The following GRIN2A variants were observed in gnomAD, a reference collection of about 807,000 sequenced individuals.
The protein encoded by GRIN2A is glutamate ionotropic receptor NMDA type subunit 2A.
GRIN2A carries 22 observed loss-of-function variants against 113.4 expected under a neutral mutation model. The observed-to-expected ratio is 0.19, with a 90% confidence interval of 0.14 to 0.28. GRIN2A has a LOEUF of 0.28. GRIN2A is among the 10% of genes least tolerant of loss of function. The probability of loss-of-function intolerance (pLI) is 1.00; values close to 1 mark genes in which losing one functional copy is unlikely to be tolerated. For synonymous variants in GRIN2A, 827 were observed against 738.4 expected (o/e 1.12, Z -1.94); for missense variants, 1,502 against 1,887.0 (o/e 0.80, Z 3.78).
At chr16:9,946,106 C>T (rs146093744) in intron 2 of GRIN2A, among the ~76,000 whole-genome samples, 5 of 152,274 alleles carry the variant, frequency 3.3e-5, no homozygotes, top group Middle Eastern at 3.4e-3. Flanking sequence ...TGAACTCAGC[C>T]CTGCTTTCTA....
At chr16:9,979,597 T>C (rs914156397) in intron 2 of GRIN2A, among the ~76,000 whole-genome samples, 4 of 151,962 alleles carry the variant, frequency 2.6e-5, no homozygotes, top group East Asian at 1.9e-4. Context: ...CTGTCCAAAA[T>C]CTGTAATTAG....
At chr16:9,894,184 T>C (rs2043757389) in intron 3 of GRIN2A, among the ~76,000 whole-genome samples, 1 of 152,062 alleles carries the variant, frequency 6.6e-6, no homozygotes, top group African/African-American at 2.4e-5. Context: ...CTAGAGGAAG[T>C]AGGAAACGGC....
chr16:9,998,710 TC>T (rs1212371652), intron 2 of GRIN2A, among the ~76,000 whole-genome samples: 2 of 152,150 alleles, frequency 1.3e-5, no homozygotes, highest in Non-Finnish European at 2.9e-5. Context: ...TCAACTAATT[TC>T]AGAATCAGTC....
chr16:9,875,969 G>A (rs1377665599), intron 4 of GRIN2A, among the ~76,000 whole-genome samples: 1 of 152,114 alleles, frequency 6.6e-6, no homozygotes, highest in African/African-American at 2.4e-5. Flanking sequence ...GTTCCCTGTT[G>A]GTAGAAGAGC....
chr16:9,934,467 G>A (rs930603165), intron 3 of GRIN2A, among the ~76,000 whole-genome samples: 2 of 151,954 alleles, frequency 1.3e-5, no homozygotes, highest in Admixed American at 1.3e-4. Flanking sequence ...GATCACCTGA[G>A]GTCACCAGTT....
At chr16:9,774,478 C>T (rs1345812381) in intron 11 of GRIN2A, among the ~76,000 whole-genome samples, 1 of 152,122 alleles carries the variant, frequency 6.6e-6, no homozygotes, top group East Asian at 1.9e-4. Flanking sequence ...TGATCATGGT[C>T]CAGGTACTCT....
intron 2 of GRIN2A, among the ~76,000 whole-genome samples, chr16:10,115,811 C>T (rs1311867251): frequency 6.6e-6 from 1 of 151,942 alleles, no homozygotes; most frequent in Non-Finnish European, 1.5e-5. Context: ...AGCATAATTA[C>T]TCAGGACTTT....
intron 2 of GRIN2A, among the ~76,000 whole-genome samples, chr16:9,972,769 C>T (rs1406335425): frequency 1.3e-5 from 2 of 152,200 alleles, no homozygotes; most frequent in Non-Finnish European, 2.9e-5. Flanking sequence ...AGTGTAACCA[C>T]CCAAGATCAC....
intron 2 of GRIN2A, among the ~76,000 whole-genome samples, chr16:10,058,368 A>G (rs1468191535): frequency 6.6e-6 from 1 of 152,234 alleles, no homozygotes. Flanking sequence ...ATACAGTCAT[A>G]ATGATGTTTT....
intron 2 of GRIN2A, among the ~76,000 whole-genome samples, chr16:10,077,081 C>A (rs553320786): frequency 6.6e-6 from 1 of 152,250 alleles, no homozygotes; most frequent in East Asian, 1.9e-4. Context: ...TGCAATGTTG[C>A]TGGCACTGGA....
intron 2 of GRIN2A, among the ~76,000 whole-genome samples, chr16:9,950,821 C>G (rs1682012859): frequency 6.6e-6 from 1 of 152,180 alleles, no homozygotes; most frequent in Non-Finnish European, 1.5e-5. Context: ...ACAGGAAAAG[C>G]AATTTCCACC....
chr16:9,996,887 T>C (rs1344515399), intron 2 of GRIN2A, among the ~76,000 whole-genome samples: 1 of 152,224 alleles, frequency 6.6e-6, no homozygotes, highest in Admixed American at 6.5e-5. Flanking sequence ...GTCTGATTCC[T>C]CTAACACCAG....
intron 10 of GRIN2A, among the ~76,000 whole-genome samples, chr16:9,816,413 C>A (rs2042186472): frequency 6.6e-6 from 1 of 152,210 alleles, no homozygotes; most frequent in South Asian, 2.1e-4. Flanking sequence ...GACTGGGGAT[C>A]CTGAGAGCTG....
chr16:9,910,176 T>G (rs190928193), intron 3 of GRIN2A, among the ~76,000 whole-genome samples: 283 of 152,258 alleles, frequency 1.9e-3, no homozygotes, highest in Middle Eastern at 6.8e-3. Flanking sequence ...TAGTACAAGT[T>G]TTTCAGTTTT....
chr16:9,978,777 C>T (rs568839335), intron 2 of GRIN2A, among the ~76,000 whole-genome samples: 52 of 152,260 alleles, frequency 3.4e-4, no homozygotes, highest in Admixed American at 1.0e-3. Flanking sequence ...GTATTCGGAA[C>T]GGATGTTCCT....
At position 10,069,288 on chromosome 16, in the gene GRIN2A, A is replaced by G. The variant is rs188803326; in HGVS notation, c.414+110710T>C. Among the ~76,000 whole-genome samples the G allele has an allele frequency of 6.3e-3, 953 of 152,268 alleles. 15 individuals carry two copies. Among genetic ancestry groups the G allele is most frequent in the African/African-American group, 0.022 (919 of 41,546 alleles). ...TACATTTGAAGGAGAATAATTATAC[A>G]TTGCACTAGACTCTGGTGGGGATGA... On this transcript the variant is annotated intron_variant, in intron 2 of 12. Transcript: ENST00000330684.
chr16:9,897,367 G>C (rs1399054786), intron 3 of GRIN2A, among the ~76,000 whole-genome samples: 2 of 152,034 alleles, frequency 1.3e-5, no homozygotes, highest in Non-Finnish European at 2.9e-5. Flanking sequence ...ATGGTGATCA[G>C]AGATAACATT....
intron 2 of GRIN2A, among the ~76,000 whole-genome samples, chr16:10,007,420 A>G (rs1331599819): frequency 6.6e-6 from 1 of 152,064 alleles, no homozygotes; most frequent in East Asian, 1.9e-4. Flanking sequence ...TGCCATTTGT[A>G]TGTCTTCTTT....
intron 4 of GRIN2A, among the ~76,000 whole-genome samples, chr16:9,872,537 G>A (rs964125508): frequency 2.0e-5 from 3 of 152,200 alleles, no homozygotes; most frequent in African/African-American, 7.2e-5. Context: ...TTTTCAGTGA[G>A]ATGACAATGC....
Sources: allele counts gnomAD v4.1 joint callset (sites outside exome capture counted in the v4.1 genomes callset), GRCh38; gene constraint gnomAD v4.1.1; transcripts MANE v1.5; gene names NCBI Gene and HGNC (gene_info 2026-07-23, HGNC 2026-07-21).